Variants in AGBL1 observed in about 807,000 individuals in gnomAD.
AGBL1 encodes AGBL carboxypeptidase 1.
In AGBL1, 130 loss-of-function variants were observed where a neutral mutation model predicts 118.9. That is an observed-to-expected ratio of 1.09 (90% CI 0.95 to 1.26). AGBL1 has a LOEUF of 1.26. AGBL1 is among the 50% of genes most tolerant of loss of function. The pLI, the probability that AGBL1 is intolerant of heterozygous loss-of-function variation, is 0.00. For missense variants in AGBL1, 1,584 were observed against 1,298.1 expected (o/e 1.22, Z -3.38); for synonymous variants, 555 against 478.9 (o/e 1.16, Z -2.08).
chr15:86,556,751 A>G (rs2142275964), intron 21 of AGBL1, among the ~76,000 whole-genome samples: 1 of 152,328 alleles, frequency 6.6e-6, no homozygotes, highest in Middle Eastern at 3.4e-3. Flanking sequence ...TTCTAAGGTC[A>G]TCTTTCCATT....
At chr15:86,100,633 C>T (rs1323934326) in intron 1 of AGBL1, among the ~76,000 whole-genome samples, 1 of 151,990 alleles carries the variant, frequency 6.6e-6, no homozygotes, top group East Asian at 1.9e-4. Flanking sequence ...TCTCTAGCTT[C>T]TTCAGTTTCT....
chr15:86,757,700 C>T (rs367740520), intron 22 of AGBL1, among the ~76,000 whole-genome samples: 4 of 151,986 alleles, frequency 2.6e-5, no homozygotes, highest in East Asian at 3.9e-4. Flanking sequence ...TTGTCTTGGC[C>T]ACGTTCTTTT....
chr15:86,489,692 G>C (rs946890308), intron 18 of AGBL1, among the ~76,000 whole-genome samples: 4 of 152,114 alleles, frequency 2.6e-5, no homozygotes, highest in African/African-American at 9.7e-5. Context: ...CTTGACAATA[G>C]CGGAGCTAAC....
intron 6 of AGBL1, among the ~76,000 whole-genome samples, chr15:86,238,501 G>C (rs2078590141): frequency 6.6e-6 from 1 of 152,192 alleles, no homozygotes; most frequent in African/African-American, 2.4e-5. Flanking sequence ...CCTCCCAAGA[G>C]TCTACCATGT....
chr15:86,238,861 T>C (rs1026917027), intron 6 of AGBL1, among the ~76,000 whole-genome samples: 4 of 152,182 alleles, frequency 2.6e-5, no homozygotes, highest in African/African-American at 9.7e-5. Context: ...CACTCTGTTG[T>C]CCAGGCTGGT....
intron 21 of AGBL1, among the ~76,000 whole-genome samples, chr15:86,585,623 C>T (rs2084235948): frequency 6.6e-6 from 1 of 152,138 alleles, no homozygotes; most frequent in Non-Finnish European, 1.5e-5. Context: ...GCCTCAGCCT[C>T]CCAAAGCACT....
intron 17 of AGBL1, among the ~76,000 whole-genome samples, chr15:86,309,335 A>T (rs2079886130): frequency 6.6e-6 from 1 of 152,188 alleles, no homozygotes; most frequent in South Asian, 2.1e-4. Flanking sequence ...TACATATAAG[A>T]TTATGTCATC....
At chr15:86,930,336 A>C (rs2080590469) in intron 23 of AGBL1, among the ~76,000 whole-genome samples, 1 of 152,172 alleles carries the variant, frequency 6.6e-6, no homozygotes, top group African/African-American at 2.4e-5. Flanking sequence ...TGCATGTGAC[A>C]ATTTATTTAT....
At chr15:86,341,680 A>T (rs1034213032) in intron 17 of AGBL1, among the ~76,000 whole-genome samples, 1 of 152,124 alleles carries the variant, frequency 6.6e-6, no homozygotes, top group Non-Finnish European at 1.5e-5. Flanking sequence ...ACAAAGATCT[A>T]GGCAATCCTG....
chr15:86,454,236 T>G (rs986435380), intron 18 of AGBL1, among the ~76,000 whole-genome samples: 4 of 152,218 alleles, frequency 2.6e-5, no homozygotes, highest in Non-Finnish European at 5.9e-5. Flanking sequence ...TGGAGTTCCT[T>G]CTACTATTTT....
chr15:86,970,234 C>T (rs1207411254), intron 23 of AGBL1, among the ~76,000 whole-genome samples: 2 of 151,556 alleles, frequency 1.3e-5, no homozygotes, highest in East Asian at 1.9e-4. Context: ...TACTGGGAGG[C>T]AGGAAAAAGA....
chr15:86,701,840 A>G (rs1198079045), intron 22 of AGBL1, among the ~76,000 whole-genome samples: 1 of 104,786 alleles, frequency 9.5e-6, no homozygotes, highest in South Asian at 3.2e-4. Flanking sequence ...TCCACTCCCC[A>G]TCTCTCCTTT....
chr15:86,624,432 G>T (rs2084854947), intron 21 of AGBL1, among the ~76,000 whole-genome samples: 1 of 152,190 alleles, frequency 6.6e-6, no homozygotes, highest in African/African-American at 2.4e-5. Flanking sequence ...TTTGAGTAAG[G>T]GCTCTGTGGA....
rs145319176 is a variant in AGBL1 at position 86,822,008 on chromosome 15, C to G, written c.3159-85079C>G. 5.9e-5 allele frequency among the ~76,000 whole-genome samples: 9 copies of G among 152,294 alleles called. No individual in the cohort carries two copies. The East Asian group carries it at 1.7e-3, about 29-fold the overall frequency. ...GTTTTCTGACACTTCCTGAGAGATA[C>G]AGTGCCACAGTACCTGTTCAGTGTC... On this transcript the variant is annotated intron_variant, in intron 22 of 22. Coordinates refer to ENST00000614907, the MANE Select transcript of AGBL1 (RefSeq NM_001386094.1).
chr15:86,844,736 A>G (rs62032586), intron 22 of AGBL1, among the ~76,000 whole-genome samples: 10,668 of 152,162 alleles, frequency 0.07, 497 homozygotes, highest in Non-Finnish European at 0.1. Context: ...GACAATTTTA[A>G]TCTTATATAT....
intron 18 of AGBL1, among the ~76,000 whole-genome samples, chr15:86,423,047 A>T (rs2081813683): frequency 6.6e-6 from 1 of 152,202 alleles, no homozygotes. Context: ...AAACTATCTC[A>T]AACAATAGAA....
chr15:86,652,294 G>A (rs934650573), intron 21 of AGBL1, among the ~76,000 whole-genome samples: 2 of 152,128 alleles, frequency 1.3e-5, no homozygotes, highest in African/African-American at 4.8e-5. Flanking sequence ...TAGTGACAAA[G>A]GGGATAAAAT....
intron 1 of AGBL1, among the ~76,000 whole-genome samples, chr15:86,122,571 C>G (rs999240617): frequency 2.6e-5 from 4 of 152,084 alleles, no homozygotes; most frequent in South Asian, 2.1e-4. Flanking sequence ...GGATATATAA[C>G]AGAAAGGACC....
At chr15:86,723,987 G>A (rs1172714103) in intron 22 of AGBL1, among the ~76,000 whole-genome samples, 1 of 152,134 alleles carries the variant, frequency 6.6e-6, no homozygotes, top group Non-Finnish European at 1.5e-5. Context: ...TGTAATCCCA[G>A]CACTTTGGGA....
Sources: allele counts gnomAD v4.1 joint callset (sites outside exome capture counted in the v4.1 genomes callset), GRCh38; gene constraint gnomAD v4.1.1; transcripts MANE v1.5; gene names NCBI Gene and HGNC (gene_info 2026-07-23, HGNC 2026-07-21).